The following NUDT9 variants were observed in gnomAD, a reference collection of about 807,000 sequenced individuals.
The protein encoded by NUDT9 is nudix hydrolase 9, also known as ADP-ribose pyrophosphatase.
NUDT9 carries 31 observed loss-of-function variants against 41.0 expected under a neutral mutation model. The ratio of observed to expected loss-of-function variants is 0.76; its 90% confidence interval spans 0.57 to 1.02. The LOEUF is 1.02. Among genes scored for constraint, NUDT9 ranks in the 50% least tolerant of loss-of-function variants. The probability of loss-of-function intolerance (pLI) is 0.00; values close to 1 mark genes in which losing one functional copy is unlikely to be tolerated. For synonymous variants in NUDT9, 146 were observed against 147.6 expected (o/e 0.99, Z 0.08); for missense variants, 380 against 431.4 (o/e 0.88, Z 1.06).
rs1578083577 is a variant in NUDT9, at chr4:87,457,709, G to T, written c.875-134G>T. On this transcript the variant is annotated intron_variant, in intron 7 of 7. Coordinates refer to ENST00000302174, the MANE Select transcript of NUDT9 (RefSeq NM_024047.5). ...CATTCTGCTGACCAGGGATGGAATG[G>T]TCTAGTTTTTAATTCACTTGGCCGG... 8.2e-6 allele frequency: 6 copies of T among 730,110 alleles called. No individual in the cohort carries two copies. In the South Asian group the frequency reaches 1.1e-4, roughly 14 times the overall value. The allele number at this position is 730,110 out of a possible 1,614,324, so 45.2% of individuals were successfully genotyped here.
intron 1 of NUDT9, among the ~76,000 whole-genome samples, chr4:87,427,841 A>G (rs1721501498): frequency 6.6e-6 from 1 of 152,176 alleles, no homozygotes; most frequent in Non-Finnish European, 1.5e-5. Context: ...AGGGTTCCAT[A>G]TGTTAAAATT....
In NUDT9 at chr4:87,441,876, G is replaced by T. The variant is rs1160629493; in HGVS notation, c.491G>T (p.Arg164Leu). ...CTGGTGGGCCGGGGGCTTTTGGGGC[G>T]ATGGGGCCCAAATCACGCTGCAGAT... Reference protein sequence around the residue: ...TGLVGRGLLGRWGPNHAADPI... With the variant: ...TGLVGRGLLGLWGPNHAADPI... The change falls in exon 4 of 8, where the codon CGA becomes CTA. Residue 164 changes from arginine to leucine, a missense_variant. Physicochemically the swap from Arg to Leu is moderately radical, Grantham distance 102 (BLOSUM62 -2). Coordinates refer to ENST00000302174, the MANE Select transcript of NUDT9 (RefSeq NM_024047.5). 6 of 1,613,282 alleles carry T rather than the reference G, an allele frequency of 3.7e-6. No individual in the cohort carries two copies. The highest frequency in any genetic ancestry group is 1.3e-5 in the African/African-American group (1 of 74,960).
chr4:87,442,968 T>C (rs1183510901), intron 4 of NUDT9, among the ~76,000 whole-genome samples: 1 of 152,202 alleles, frequency 6.6e-6, no homozygotes, highest in African/African-American at 2.4e-5. Flanking sequence ...AAAATAATGA[T>C]AAAAAGTACA....
At chr4:87,438,931 CT>C (rs2110172941) in intron 3 of NUDT9, among the ~76,000 whole-genome samples, 1 of 152,226 alleles carries the variant, frequency 6.6e-6, no homozygotes, top group Non-Finnish European at 1.5e-5. Flanking sequence ...CTTTGGGAGG[CT>C]GAGGTGGGCG....
At chr4:87,428,219 CAG>C (rs35968928) in intron 1 of NUDT9, among the ~76,000 whole-genome samples, 2,813 of 152,194 alleles carry the variant, frequency 0.018, 90 homozygotes, top group African/African-American at 0.064. Flanking sequence ...GTAATTGTTT[CAG>C]AGTCTTTAAA....
intron 7 of NUDT9, among the ~76,000 whole-genome samples, chr4:87,454,699 A>C (rs1180355842): frequency 6.6e-6 from 1 of 152,234 alleles, no homozygotes; most frequent in East Asian, 1.9e-4. Context: ...ATTAAGGATG[A>C]AATTATGGGC....
chr4:87,438,371 A>C lies in NUDT9; in HGVS notation c.442A>C (p.Arg148=). Residue 148 remains arginine (R), a splice_region_variant and synonymous_variant, in exon 3 of 8, where the codon AGA becomes CGA. Coordinates refer to ENST00000302174, the MANE Select transcript of NUDT9 (RefSeq NM_024047.5). The stretch of plus-strand genomic sequence containing the variant: ...GTATGAGATTGAAAATGGAAGACCG[A>C]GGTAGGTACTGGGAGCAGAGCATCT... ...GLYEIENGRP[R]NPAGRTGLVG... The C allele has an allele frequency of 6.4e-7, 1 of 1,561,594 alleles. No homozygotes were observed.
At position 87,441,870 on chromosome 4, in the gene NUDT9, T is replaced by C; in HGVS notation, c.485T>C (p.Leu162Ser). The C allele has an allele frequency of 6.2e-7, 1 of 1,613,558 alleles. No individual in the cohort carries two copies. Among genetic ancestry groups the C allele is most frequent in the South Asian group, 1.1e-5 (1 of 90,968 alleles). Residue 162 changes from leucine to serine, a missense_variant, in exon 4 of 8, where the codon TTG (leucine) becomes TCG (serine). By Grantham distance (145) the Leu-to-Ser change is moderately radical. Transcript: ENST00000302174. ...GRTGLVGRGL[L>S]GRWGPNHAAD... ...ACTGGACTGGTGGGCCGGGGGCTTT[T>C]GGGGCGATGGGGCCCAAATCACGCT...
chr4:87,451,607 GAGA>G lies in NUDT9; in HGVS notation c.665_667del (p.Lys222del), dbSNP rs1722711274. 2.5e-6 allele frequency: 4 copies of G among 1,613,672 alleles called. No homozygotes were observed. The highest frequency in any genetic ancestry group is 1.7e-6 in the Non-Finnish European group (2 of 1,179,896). ...CTCTTAGGGGATGGTGGATCCAGGA[GAGA>G]AGATTAGTGCCACACTGAAAAGAGA... On this transcript the variant is annotated inframe_deletion, in exon 6 of 8. Coordinates refer to ENST00000302174, the MANE Select transcript of NUDT9 (RefSeq NM_024047.5).
chr4:87,428,117 G>C (rs1442009314), intron 1 of NUDT9, among the ~76,000 whole-genome samples: 2 of 152,146 alleles, frequency 1.3e-5, no homozygotes, highest in African/African-American at 4.8e-5. Flanking sequence ...CAGCCCGTCT[G>C]GGGATATTAA....
At chr4:87,434,421 CCT>C (rs1721816781) in intron 1 of NUDT9, 1 of 56,398 alleles carries the variant, frequency 1.8e-5, no homozygotes, top group African/African-American at 7.6e-5. Flanking sequence ...AAGTTTGTGT[CCT>C]TTTTTTTTTT....
chr4:87,426,103 G>A (rs1721402823), intron 1 of NUDT9, among the ~76,000 whole-genome samples: 1 of 152,132 alleles, frequency 6.6e-6, no homozygotes, highest in Non-Finnish European at 1.5e-5. Flanking sequence ...GTGAGACACT[G>A]CTCCCAGTCA....
At chr4:87,423,782 G>T (rs1721269408) in intron 1 of NUDT9, among the ~76,000 whole-genome samples, 2 of 152,088 alleles carry the variant, frequency 1.3e-5, no homozygotes, top group Non-Finnish European at 2.9e-5. Flanking sequence ...TGAGTAATAG[G>T]TCTTGTTTTC....
chr4:87,441,199 G>A (rs1355468115), intron 3 of NUDT9, among the ~76,000 whole-genome samples: 2 of 152,136 alleles, frequency 1.3e-5, no homozygotes, highest in African/African-American at 2.4e-5. Flanking sequence ...TTTAAAGAAT[G>A]TTTACTGAAA....
chr4:87,445,151 G>C (rs1722388777), intron 4 of NUDT9, among the ~76,000 whole-genome samples: 1 of 152,106 alleles, frequency 6.6e-6, no homozygotes, highest in African/African-American at 2.4e-5. Flanking sequence ...AGTAGGTATT[G>C]ATATATCTAT....
At chr4:87,439,432 G>T (rs1722099940) in intron 3 of NUDT9, among the ~76,000 whole-genome samples, 1 of 152,100 alleles carries the variant, frequency 6.6e-6, no homozygotes, top group Non-Finnish European at 1.5e-5. Context: ...AAGGCGGGTG[G>T]ATCACCTGAG....
chr4:87,431,429 A>T (rs940126107), intron 1 of NUDT9, among the ~76,000 whole-genome samples: 1 of 152,194 alleles, frequency 6.6e-6, no homozygotes, highest in African/African-American at 2.4e-5. Flanking sequence ...ATTTTAAGGT[A>T]GAGTTTTCTC....
intron 7 of NUDT9, among the ~76,000 whole-genome samples, chr4:87,455,642 C>CTTTT (rs1241418819): frequency 6.8e-6 from 1 of 146,404 alleles, no homozygotes; most frequent in African/African-American, 2.5e-5. Flanking sequence ...GCTTTTAGTG[C>CTTTT]TTTTTTTTCT....
chr4:87,438,269 C>T lies in NUDT9; in HGVS notation c.348-8C>T, dbSNP rs1722045309. Reference sequence around the variant, plus strand: ...ATTTCTTATTTTACATTGGTATTCTCATTACAGTGAAAGTAATTTTTCTCC... The same window carrying T: ...ATTTCTTATTTTACATTGGTATTCTTATTACAGTGAAAGTAATTTTTCTCC... On this transcript the variant is annotated splice_region_variant and splice_polypyrimidine_tract_variant and intron_variant, in intron 2 of 7. Coordinates refer to ENST00000302174, the MANE Select transcript of NUDT9 (RefSeq NM_024047.5). The T allele has an allele frequency of 6.7e-7, 1 of 1,503,094 alleles. No individual in the cohort carries two copies. The allele number at this position is 1,503,094 out of a possible 1,614,324, so 93.1% of individuals were successfully genotyped here. A position where few individuals can be genotyped will look rare whatever the true frequency, so the allele number is the denominator to read the frequency against.
Sources: gnomAD v4.1 joint callset for allele counts (sites outside exome capture counted in the v4.1 genomes callset) on GRCh38, gnomAD v4.1.1 for gene constraint, MANE v1.5 for transcripts, NCBI Gene and HGNC (gene_info 2026-07-23, HGNC 2026-07-21) for gene names.